The following ATXN2 variants were observed in gnomAD, a reference collection of about 807,000 sequenced individuals.
ATXN2 encodes the protein ataxin 2.
In ATXN2, 37 loss-of-function variants were observed where a neutral mutation model predicts 138.6. That is an observed-to-expected ratio of 0.27 (90% CI 0.21 to 0.35). The LOEUF (loss-of-function observed/expected upper bound fraction) is 0.35. Among genes scored for constraint, ATXN2 ranks in the 10% least tolerant of loss-of-function variants. ATXN2 has a pLI of 1.00. For synonymous variants in ATXN2, 549 were observed against 543.7 expected, an observed-to-expected ratio of 1.01 and a Z score of -0.13; for missense variants, 1,216 against 1,480.3, an observed-to-expected ratio of 0.82 and a Z score of 2.93.
Position 111,539,082 on chromosome 12 carries a change from ATTCTGTT to A in ATXN2, c.571+13191_571+13197del, listed in dbSNP as rs1392563823. Among the ~76,000 whole-genome samples the A allele has an allele frequency of 1.3e-5, 2 of 150,436 alleles. 1 individual carries two copies. Among genetic ancestry groups the A allele is most frequent in the Admixed American group, 1.3e-4 (2 of 14,956 alleles). On this transcript the variant is annotated intron_variant, in intron 5 of 24. Transcript: ENST00000673436. ...ACAAAGATACTGTTTATGGGTGAAC[ATTCTGTT>A]TTCATTTTCTCCATTAGGCTTCTGG...
chr12:111,598,969 C>T lies in ATXN2; in HGVS notation c.66G>A (p.Gln22=), dbSNP rs1231841593. 5 of 1,500,870 alleles carry T rather than the reference C, an allele frequency of 3.3e-6. No homozygotes were observed. Among genetic ancestry groups the T allele is most frequent in the Non-Finnish European group, 3.5e-6 (4 of 1,128,064 alleles). The allele number at this position is 1,500,870 out of a possible 1,614,324, so 93.0% of individuals were successfully genotyped here. ...QQQQQQQQQQ[Q]QQQQQQPPPA... is the part of the protein sequence containing the mutation. Reference sequence around the variant, plus strand: ...GCGGCGGCTGCTGCTGCTGCTGCTGCTGCTGCTGTTGCTGCTGCTGCTGCT... The same window carrying T: ...GCGGCGGCTGCTGCTGCTGCTGCTGTTGCTGCTGTTGCTGCTGCTGCTGCT... Residue 22 remains glutamine, a synonymous_variant, in exon 1 of 25, where the codon CAG becomes CAA. Transcript: ENST00000673436. The surrounding 1 kb of genome is among the most constrained non-coding windows in gnomAD (Gnocchi z 4.5).
At chr12:111,514,956 A>T (rs1201591706) in intron 10 of ATXN2, among the ~76,000 whole-genome samples, 2 of 152,232 alleles carry the variant, frequency 1.3e-5, no homozygotes, top group Non-Finnish European at 2.9e-5. Flanking sequence ...AGATGTTCAC[A>T]GTCATTAATG....
intron 1 of ATXN2, chr12:111,564,970 A>C (rs1006673545): frequency 2.0e-5 from 3 of 152,146 alleles, no homozygotes; most frequent in Non-Finnish European, 1.5e-5. Context: ...TGATCCTCCT[A>C]CCTCAGCCTC....
At chr12:111,486,072 A>G (rs550243414) in intron 16 of ATXN2, among the ~76,000 whole-genome samples, 12 of 152,386 alleles carry the variant, frequency 7.9e-5, no homozygotes, top group Non-Finnish European at 1.5e-4. Flanking sequence ...CAATTAAAAA[A>G]TATTAAAAAC....
chr12:111,495,641 C>T (rs1003404124), intron 14 of ATXN2, among the ~76,000 whole-genome samples: 19 of 152,224 alleles, frequency 1.2e-4, no homozygotes, highest in Middle Eastern at 3.4e-3. Context: ...CAGTAACAGT[C>T]GGAAACTTCA....
chr12:111,455,146 G>T (rs1321474528), intron 23 of ATXN2: 3 of 702,628 alleles, frequency 4.3e-6, no homozygotes, highest in South Asian at 1.5e-5. Flanking sequence ...GGAATTCATT[G>T]TGGCAGGTCT....
chr12:111,469,967 GAAATGGGTTCATCTTTTCCTTC>G, intron 20 of ATXN2, 119 bp downstream of exon 20: 2 of 1,020,046 alleles, frequency 2.0e-6, no homozygotes, highest in Non-Finnish European at 2.7e-6. Context: ...GTCAGGCAAA[GAAATGGGTTCATCTTTTCCTTC>G]AGATTCTTGA....
chr12:111,572,426 C>G (rs1883381037), intron 1 of ATXN2, among the ~76,000 whole-genome samples: 1 of 151,808 alleles, frequency 6.6e-6, no homozygotes, highest in Non-Finnish European at 1.5e-5. Context: ...AATTTACTAT[C>G]TGGCCCTTTA....
intron 5 of ATXN2, among the ~76,000 whole-genome samples, chr12:111,528,059 G>A (rs999417213): frequency 1.3e-5 from 2 of 152,146 alleles, no homozygotes; most frequent in Non-Finnish European, 2.9e-5. Context: ...TCTTCTGGAA[G>A]AAGCAACAGG....
At chr12:111,493,560 G>T (rs1878192159) in intron 14 of ATXN2, among the ~76,000 whole-genome samples, 1 of 152,056 alleles carries the variant, frequency 6.6e-6, no homozygotes. Flanking sequence ...TGTAATTGTG[G>T]TGTATAAACT....
intron 1 of ATXN2, among the ~76,000 whole-genome samples, chr12:111,571,623 G>C (rs1267786232): frequency 6.6e-6 from 1 of 152,102 alleles, no homozygotes; most frequent in Non-Finnish European, 1.5e-5. Flanking sequence ...GAGTTAATGG[G>C]AAACATGATC....
chr12:111,563,373 T>A (rs1014460874), intron 1 of ATXN2, among the ~76,000 whole-genome samples: 2 of 152,106 alleles, frequency 1.3e-5, no homozygotes, highest in Admixed American at 6.6e-5. Context: ...AAAATGTTGA[T>A]TTGTTGATTG....
chr12:111,457,326 T>C lies in ATXN2; in HGVS notation c.2930A>G (p.His977Arg). ...ATGTGGGTGCAGGGTAGCGTTAGGG[T>C]GCGCATACTGCTGAGCAAGGGAGCC... ...STGSLAQQYA[H>R]PNATLHPHTP... The change falls in exon 22 of 25, where the codon CAC (histidine) becomes CGC (arginine). Residue 977 changes from histidine (H) to arginine (R), a missense_variant. By Grantham distance (29) the His-to-Arg change is conservative. This residue lies in a region of ATXN2 where 490 missense variants were observed against 653.5 expected (regional missense o/e 0.75). Coordinates refer to ENST00000673436, the MANE Select transcript of ATXN2 (RefSeq NM_001372574.1). The C allele has an allele frequency of 6.2e-7, 1 of 1,613,416 alleles. No homozygotes were observed. Among genetic ancestry groups the C allele is most frequent in the Non-Finnish European group, 8.5e-7 (1 of 1,179,754 alleles).
intron 5 of ATXN2, 122 bp from the exon 6 acceptor site, chr12:111,525,438 T>C: frequency 8.5e-7 from 1 of 1,172,746 alleles, no homozygotes; most frequent in South Asian, 1.9e-5. Flanking sequence ...TTCACATAAT[T>C]GTTTAACTTA....
rs79263590 is a variant in ATXN2 at position 111,598,438 on chromosome 12, G to A, written c.251+346C>T. 2,156 of 985,586 alleles carry A rather than the reference G, an allele frequency of 2.2e-3. 33 individuals are homozygous for A. The African/African-American group carries it at 0.036, about 16-fold the overall frequency. The allele number at this position is 985,586 out of a possible 1,614,324, so 61.1% of individuals were successfully genotyped here. A position where few individuals can be genotyped will look rare whatever the true frequency, so the allele number is the denominator to read the frequency against. On this transcript the variant is annotated intron_variant, in intron 1 of 24. Transcript: ENST00000673436. This position sits in a 1 kb window ranked among gnomAD's most constrained non-coding sequence, Gnocchi z 4.5. ...CTGCCCGAGCATCCCCACGCTGCGG[G>A]CGGAGGATCGTGCGGAAGGGGGAGC...
At chr12:111,454,970 T>C (rs1874956631) in intron 23 of ATXN2, 1 of 691,252 alleles carries the variant, frequency 1.4e-6, no homozygotes, top group Non-Finnish European at 2.7e-6. Context: ...TCAACTGCAG[T>C]GCGCTACACC....
chr12:111,589,014 A>AAAAAAAAAAAAAAAAAAAAAAAAAC (rs1290323662), intron 1 of ATXN2, among the ~76,000 whole-genome samples: 1 of 144,536 alleles, frequency 6.9e-6, no homozygotes, highest in East Asian at 2.0e-4. Context: ...AAAAAAAAAA[A>AAAAAAAAAAAAAAAAAAAAAAAAAC]AAAAAAAAAA....
At chr12:111,492,985 A>G (rs1428855343) in intron 14 of ATXN2, among the ~76,000 whole-genome samples, 1 of 152,196 alleles carries the variant, frequency 6.6e-6, no homozygotes, top group Non-Finnish European at 1.5e-5. Context: ...GACTGCAATA[A>G]TTATTAGTAA....
chr12:111,463,017 T>TATGC (rs1282123344), intron 21 of ATXN2, among the ~76,000 whole-genome samples: 6 of 151,834 alleles, frequency 4.0e-5, no homozygotes, highest in African/African-American at 1.5e-4. Context: ...TGTATGTATG[T>TATGC]ATGTATCAGC....
Sources: gnomAD v4.1 joint callset for allele counts (sites outside exome capture counted in the v4.1 genomes callset) on GRCh38, gnomAD v4.1.1 for gene constraint, gnomAD v4.1.1 regional missense constraint, Gnocchi (gnomAD v3.1) non-coding constraint, MANE v1.5 for transcripts, NCBI Gene and HGNC (gene_info 2026-07-23, HGNC 2026-07-21) for gene names.